LY6S: variants seen among roughly 807,000 people sequenced by gnomAD.
The protein encoded by LY6S is lymphocyte antigen 6S.
At chr8:143,055,213 T>G in the LY6S span, among the ~76,000 whole-genome samples, 1,315 of 152,300 alleles carry the variant, frequency 8.6e-3, 13 homozygotes, top group African/African-American at 0.029. Flanking sequence ...TTGTTGTTGT[T>G]GTTGCTTTTC....
At chr8:143,064,638 G>A in the LY6S span, among the ~76,000 whole-genome samples, 19 of 152,172 alleles carry the variant, frequency 1.2e-4, no homozygotes, top group South Asian at 4.1e-4. Context: ...CTATTCAAAG[G>A]TGACCAACAA....
At chr8:143,070,011 C>G in the LY6S span, among the ~76,000 whole-genome samples, 1 of 152,128 alleles carries the variant, frequency 6.6e-6, no homozygotes, top group African/African-American at 2.4e-5. Flanking sequence ...GGGGCTTAAG[C>G]TACAGGAATG....
the LY6S span, among the ~76,000 whole-genome samples, chr8:143,056,159 T>A: frequency 1.4e-5 from 2 of 148,040 alleles, no homozygotes; most frequent in Non-Finnish European, 3.0e-5. Context: ...GTGGTGGGGG[T>A]GGCACTATCA....
the LY6S span, chr8:143,044,902 ACC>A: frequency 8.6e-7 from 1 of 1,166,998 alleles, no homozygotes; most frequent in South Asian, 1.5e-5. Flanking sequence ...TCTCACCACC[ACC>A]CTTGTCCCAA....
the LY6S span, chr8:143,044,528 ATG>A: frequency 3.6e-6 from 1 of 274,608 alleles, no homozygotes; most frequent in Non-Finnish European, 7.1e-6. Context: ...CCTGCCCGCC[ATG>A]CCCACCCCAC....
chr8:143,043,406 G>T, the LY6S span: 1 of 415,868 alleles, frequency 2.4e-6, no homozygotes, highest in South Asian at 2.0e-5. Context: ...TCTGCAGGGA[G>T]GCTCCGCACC....
At chr8:143,070,989 A>G in the LY6S span, among the ~76,000 whole-genome samples, 1 of 151,670 alleles carries the variant, frequency 6.6e-6, no homozygotes, top group African/African-American at 2.4e-5. Flanking sequence ...GGGGAAAGGA[A>G]GGTCACTTGT....
chr8:143,074,565 C>A, the LY6S span, among the ~76,000 whole-genome samples: 1 of 151,964 alleles, frequency 6.6e-6, no homozygotes, highest in Non-Finnish European at 1.5e-5. Flanking sequence ...ATAATGAGCA[C>A]CTACTTTCAT....
the LY6S span, among the ~76,000 whole-genome samples, chr8:143,059,162 G>A: frequency 6.6e-6 from 1 of 152,032 alleles, no homozygotes; most frequent in South Asian, 2.1e-4. Flanking sequence ...CCAGAGTGCA[G>A]GGATTACAGT....
the LY6S span, among the ~76,000 whole-genome samples, chr8:143,073,826 G>A: frequency 6.8e-6 from 1 of 147,654 alleles, no homozygotes; most frequent in Non-Finnish European, 1.5e-5. Flanking sequence ...TGTTTGAGGA[G>A]ACAGCCGTCG....
chr8:143,062,272 A>T, the LY6S span, among the ~76,000 whole-genome samples: 11 of 152,264 alleles, frequency 7.2e-5, no homozygotes, highest in Admixed American at 5.2e-4. Context: ...GTAAAGTGAA[A>T]TGTTAAAGAC....
the LY6S span, among the ~76,000 whole-genome samples, chr8:143,071,756 A>C: frequency 1.3e-5 from 2 of 152,280 alleles, no homozygotes; most frequent in Admixed American, 1.3e-4. Flanking sequence ...GACGTCTGTG[A>C]GGTTCCCGTC....
chr8:143,062,643 A>C, the LY6S span, among the ~76,000 whole-genome samples: 1 of 152,250 alleles, frequency 6.6e-6, no homozygotes, highest in East Asian at 1.9e-4. Context: ...ATTGCATTCC[A>C]GCCTGGGTGA....
At chr8:143,068,926 T>C in the LY6S span, among the ~76,000 whole-genome samples, 1 of 151,964 alleles carries the variant, frequency 6.6e-6, no homozygotes, top group African/African-American at 2.4e-5. Context: ...CAGGGAGAAA[T>C]GCTCCCCGCA....
chr8:143,044,507 C>T, the LY6S span: 11 of 450,606 alleles, frequency 2.4e-5, no homozygotes, highest in Non-Finnish European at 3.4e-5. Flanking sequence ...TCCACCCTTC[C>T]CTGCACAGGT....
the LY6S span, among the ~76,000 whole-genome samples, chr8:143,071,080 G>A: frequency 3.0e-4 from 46 of 151,808 alleles, no homozygotes; most frequent in Middle Eastern, 3.5e-3. Flanking sequence ...TCAGGAGGCG[G>A]CATGGCTGGC....
chr8:143,055,809 A>T, the LY6S span, among the ~76,000 whole-genome samples: 1 of 152,148 alleles, frequency 6.6e-6, no homozygotes, highest in Non-Finnish European at 1.5e-5. Flanking sequence ...CTTGCTGCCC[A>T]CTCAGGAATC....
At chr8:143,042,667 G>A in the LY6S span, 7 of 267,872 alleles carry the variant, frequency 2.6e-5, no homozygotes, top group South Asian at 2.9e-4. Context: ...ATCCTGTGTG[G>A]GAGGCCAGCA....
chr8:143,072,278 G>T, the LY6S span, among the ~76,000 whole-genome samples: 32 of 27,978 alleles, frequency 1.1e-3, no homozygotes, highest in South Asian at 4.1e-3. Flanking sequence ...CGTCGTCCCC[G>T]GGGTTCCTGT....
Sources: allele counts gnomAD v4.1 joint callset (sites outside exome capture counted in the v4.1 genomes callset), GRCh38; gene constraint gnomAD v4.1.1; transcripts MANE v1.5; gene names NCBI Gene and HGNC (gene_info 2026-07-23, HGNC 2026-07-21).